The following LYRM4 variants were observed in gnomAD, a reference collection of about 807,000 sequenced individuals.
LYRM4 encodes the protein LYR motif-containing protein 4.
LYRM4 carries 9 observed loss-of-function variants against 11.7 expected under a neutral mutation model. That is an observed-to-expected ratio of 0.77 (90% CI 0.46 to 1.34). The LOEUF is 1.34. Among genes scored for constraint, LYRM4 ranks in the 40% most tolerant of loss-of-function variants. LYRM4 has a pLI of 0.00. For missense variants in LYRM4, 133 were observed against 112.5 expected, an observed-to-expected ratio of 1.18 and a Z score of -0.82; for synonymous variants, 42 against 40.4, an observed-to-expected ratio of 1.04 and a Z score of -0.15.
At chr6:5,099,235 C>T (rs1312478834), downstream of LYRM4, among the ~76,000 whole-genome samples, 2 of 150,970 alleles carry the variant, frequency 1.3e-5, no homozygotes, top group South Asian at 2.1e-4. This position sits in a 1 kb window ranked among gnomAD's most constrained non-coding sequence, Gnocchi z 4.3. Flanking sequence ...CAGGGTCTCA[C>T]TCTGTTACCC....
chr6:5,177,054 A>G (rs773572678), intron 2 of LYRM4, among the ~76,000 whole-genome samples: 2 of 152,244 alleles, frequency 1.3e-5, no homozygotes, highest in Non-Finnish European at 2.9e-5. Flanking sequence ...ATACATGTGC[A>G]CAAAACTTGA....
At chr6:5,230,434 C>G (rs1055393519) in intron 1 of LYRM4, among the ~76,000 whole-genome samples, 5 of 152,116 alleles carry the variant, frequency 3.3e-5, no homozygotes, top group African/African-American at 9.7e-5. Context: ...TTTTTCCCCC[C>G]ACCTATCAGA....
chr6:5,246,331 G>A (rs142354473), intron 1 of LYRM4, among the ~76,000 whole-genome samples: 57 of 152,318 alleles, frequency 3.7e-4, no homozygotes, highest in Middle Eastern at 3.4e-3. Context: ...ACCACATGGC[G>A]CCACTGGCAA....
At chr6:5,256,600 T>C (rs1382770387) in intron 1 of LYRM4, among the ~76,000 whole-genome samples, 1 of 148,286 alleles carries the variant, frequency 6.7e-6, no homozygotes, top group African/African-American at 2.5e-5. Flanking sequence ...ATTATGACTC[T>C]CATTTTATAA....
chr6:5,106,985 G>A (rs772987348), downstream of LYRM4: 5 of 152,244 alleles, frequency 3.3e-5, no homozygotes, highest in African/African-American at 7.2e-5. Flanking sequence ...CACTTTATTC[G>A]AAGCTCTAGC....
At chr6:5,091,259 TC>T in the LYRM4 span, among the ~76,000 whole-genome samples, 1 of 152,170 alleles carries the variant, frequency 6.6e-6, no homozygotes, top group Non-Finnish European at 1.5e-5. Flanking sequence ...TGTCCCGGCC[TC>T]CCCTCCTACA....
At chr6:5,251,833 G>T (rs946859647) in intron 1 of LYRM4, among the ~76,000 whole-genome samples, 1 of 152,228 alleles carries the variant, frequency 6.6e-6, no homozygotes. Context: ...ACATGTGAAA[G>T]AAATCCTTTG....
At chr6:5,256,367 G>GT (rs2127781017) in intron 1 of LYRM4, among the ~76,000 whole-genome samples, 1 of 151,744 alleles carries the variant, frequency 6.6e-6, no homozygotes, top group African/African-American at 2.4e-5. Flanking sequence ...GCAGGCACCT[G>GT]TAATCCCAGC....
At chr6:5,142,691 T>C (rs947507311) in intron 2 of LYRM4, among the ~76,000 whole-genome samples, 20 of 152,220 alleles carry the variant, frequency 1.3e-4, no homozygotes, top group African/African-American at 4.8e-4. Flanking sequence ...CCTTTTCATT[T>C]TTTCCCCTTA....
At chr6:5,124,765 G>A (rs1042817428) in intron 2 of LYRM4, among the ~76,000 whole-genome samples, 2 of 152,182 alleles carry the variant, frequency 1.3e-5, no homozygotes, top group African/African-American at 2.4e-5. Flanking sequence ...AGTGGGTGCC[G>A]GCTTTACCGG....
At chr6:5,246,248 T>C (rs1057169939) in intron 1 of LYRM4, among the ~76,000 whole-genome samples, 1 of 152,112 alleles carries the variant, frequency 6.6e-6, no homozygotes, top group African/African-American at 2.4e-5. Flanking sequence ...TTTGCTGACA[T>C]GAAGAGTAGA....
intron 2 of LYRM4, among the ~76,000 whole-genome samples, chr6:5,158,601 C>A (rs1758559514): frequency 6.6e-6 from 1 of 152,090 alleles, no homozygotes; most frequent in African/African-American, 2.4e-5. Flanking sequence ...TTCAGCCTCC[C>A]AAGTAGCTGG....
chr6:5,157,192 G>A (rs556856830), intron 2 of LYRM4, among the ~76,000 whole-genome samples: 5 of 152,036 alleles, frequency 3.3e-5, no homozygotes, highest in Non-Finnish European at 4.4e-5. Flanking sequence ...AGCACTCAAC[G>A]CAAAAAAGTA....
the LYRM4 span, among the ~76,000 whole-genome samples, chr6:5,069,774 C>T: frequency 5.9e-5 from 9 of 152,086 alleles, no homozygotes; most frequent in Non-Finnish European, 1.2e-4. Flanking sequence ...CCACCGTGCC[C>T]GGCCTACACT....
At chr6:5,199,219 A>C (rs1221423824) in intron 2 of LYRM4, among the ~76,000 whole-genome samples, 3 of 152,254 alleles carry the variant, frequency 2.0e-5, no homozygotes, top group Non-Finnish European at 4.4e-5. Flanking sequence ...ACTATTTGGC[A>C]TTAAAAAGGA....
intron 1 of LYRM4, among the ~76,000 whole-genome samples, chr6:5,223,323 G>A (rs973847359): frequency 6.6e-6 from 1 of 152,166 alleles, no homozygotes; most frequent in East Asian, 1.9e-4. Flanking sequence ...ACAGAGTAGT[G>A]TGCTAAGTAC....
intron 2 of LYRM4, among the ~76,000 whole-genome samples, chr6:5,168,078 AAG>A (rs1759193861): frequency 6.6e-6 from 1 of 151,910 alleles, no homozygotes; most frequent in Admixed American, 6.6e-5. Flanking sequence ...TGTGCTGAAT[AAG>A]AGAGAATCCA....
the LYRM4 span, among the ~76,000 whole-genome samples, chr6:5,068,327 C>T: frequency 2.0e-5 from 3 of 152,320 alleles, no homozygotes; most frequent in Non-Finnish European, 2.9e-5. The surrounding 1 kb of genome is among the most constrained non-coding windows in gnomAD (Gnocchi z 4.0). Context: ...CAGACACAGT[C>T]AGGACTTGCC....
chr6:5,144,354 G>A, intron 2 of LYRM4: 2 of 1,436,118 alleles, frequency 1.4e-6, no homozygotes, highest in Non-Finnish European at 1.9e-6. Context: ...TATGTCAGGT[G>A]AGGCCGGGTG....
Sources: allele counts gnomAD v4.1 joint callset (sites outside exome capture counted in the v4.1 genomes callset), GRCh38; gene constraint gnomAD v4.1.1; non-coding constraint Gnocchi (gnomAD v3.1); transcripts MANE v1.5; gene names NCBI Gene and HGNC (gene_info 2026-07-23, HGNC 2026-07-21).